Variants in TBC1D5 observed in about 807,000 individuals in gnomAD.
TBC1D5 encodes TBC1 domain family, member 5.
TBC1D5 carries 75 observed loss-of-function variants against 100.3 expected under a neutral mutation model. The observed-to-expected ratio is 0.75, with a 90% CI of 0.62 to 0.91. The LOEUF is 0.91. Among genes scored for constraint, TBC1D5 ranks in the 40% least tolerant of loss-of-function variants. TBC1D5 has a pLI of 0.00. For synonymous variants in TBC1D5, 323 were observed against 325.6 expected (o/e 0.99, Z 0.09); for missense variants, 910 against 942.4 (o/e 0.97, Z 0.45).
At chr3:17,644,450 T>C (rs2064825746) in intron 1 of TBC1D5, among the ~76,000 whole-genome samples, 1 of 152,176 alleles carries the variant, frequency 6.6e-6, no homozygotes, top group African/African-American at 2.4e-5. Flanking sequence ...CTACTTAATC[T>C]AATATCATTC....
intron 2 of TBC1D5, among the ~76,000 whole-genome samples, chr3:17,515,188 C>CA (rs1236504554): frequency 1.3e-5 from 2 of 151,808 alleles, no homozygotes; most frequent in Non-Finnish European, 2.9e-5. Flanking sequence ...TCATTTTGTC[C>CA]AAAAAAACCA....
chr3:17,589,567 T>A (rs2096753162), intron 2 of TBC1D5, among the ~76,000 whole-genome samples: 1 of 152,230 alleles, frequency 6.6e-6, no homozygotes, highest in South Asian at 2.1e-4. Flanking sequence ...GCTTTCACCT[T>A]CCACCATGAT....
intron 18 of TBC1D5, among the ~76,000 whole-genome samples, chr3:17,207,570 C>T (rs1171482228): frequency 6.6e-6 from 1 of 152,170 alleles, no homozygotes. Context: ...GAATCTTGCC[C>T]TCTTTCATTA....
chr3:17,357,150 A>G (rs1312535125), intron 13 of TBC1D5, among the ~76,000 whole-genome samples: 1 of 152,194 alleles, frequency 6.6e-6, no homozygotes, highest in Non-Finnish European at 1.5e-5. Flanking sequence ...GTGCGGATGC[A>G]GTAAGGGCCA....
At chr3:17,506,151 C>T (rs2095842445) in intron 3 of TBC1D5, among the ~76,000 whole-genome samples, 1 of 151,966 alleles carries the variant, frequency 6.6e-6, no homozygotes, top group South Asian at 2.1e-4. Context: ...TGAAGAAAGC[C>T]CAGGTAAGAC....
At chr3:17,698,691 T>A (rs1466232077) in intron 1 of TBC1D5, among the ~76,000 whole-genome samples, 1 of 147,654 alleles carries the variant, frequency 6.8e-6, no homozygotes, top group Non-Finnish European at 1.5e-5. Flanking sequence ...TCAAACAAAT[T>A]TACAAGAAAA....
intron 1 of TBC1D5, among the ~76,000 whole-genome samples, chr3:17,706,461 T>G (rs1344360831): frequency 6.6e-6 from 1 of 151,752 alleles, no homozygotes; most frequent in African/African-American, 2.4e-5. Context: ...ACCCCACTAG[T>G]GAGATGTTTT....
intron 15 of TBC1D5, among the ~76,000 whole-genome samples, chr3:17,268,752 T>C (rs1171012859): frequency 6.6e-6 from 1 of 152,070 alleles, no homozygotes; most frequent in African/African-American, 2.4e-5. Context: ...AAAATAAAGA[T>C]GTAAATTTTT....
At chr3:17,263,615 T>C (rs935795526) in intron 15 of TBC1D5, among the ~76,000 whole-genome samples, 5 of 152,138 alleles carry the variant, frequency 3.3e-5, no homozygotes, top group Admixed American at 2.0e-4. Context: ...TTTTATTTTA[T>C]AGCAATATAA....
chr3:17,170,025 G>A (rs867765232), intron 19 of TBC1D5, among the ~76,000 whole-genome samples: 7 of 152,190 alleles, frequency 4.6e-5, no homozygotes, highest in East Asian at 1.9e-4. Flanking sequence ...AGGTGGTAAC[G>A]CTGGCTCACG....
At chr3:17,311,005 T>C (rs1416951316) in intron 13 of TBC1D5, among the ~76,000 whole-genome samples, 1 of 152,026 alleles carries the variant, frequency 6.6e-6, no homozygotes, top group Non-Finnish European at 1.5e-5. Context: ...GCTTTCTTCA[T>C]TGAGCTTAAA....
intron 2 of TBC1D5, among the ~76,000 whole-genome samples, chr3:17,607,123 A>G (rs896131382): frequency 6.6e-6 from 1 of 152,204 alleles, no homozygotes; most frequent in Non-Finnish European, 1.5e-5. Context: ...AAGATGATCT[A>G]AAAACTCAGA....
intron 17 of TBC1D5, among the ~76,000 whole-genome samples, chr3:17,215,965 G>C (rs1176577398): frequency 6.6e-6 from 1 of 152,066 alleles, no homozygotes; most frequent in Non-Finnish European, 1.5e-5. Flanking sequence ...TTAAATATCA[G>C]GGATTCAGAT....
At chr3:17,633,738 G>T (rs1409915683) in intron 1 of TBC1D5, among the ~76,000 whole-genome samples, 1 of 151,982 alleles carries the variant, frequency 6.6e-6, no homozygotes, top group Non-Finnish European at 1.5e-5. Flanking sequence ...ATTAAGCATA[G>T]TTCTCAATAC....
chr3:17,740,890 G>A (rs569237088), exon 1 of TBC1D5: 1 of 152,232 alleles, frequency 6.6e-6, no homozygotes, highest in Admixed American at 6.5e-5. Flanking sequence ...AAAATTCACA[G>A]ACCAGGTGAT....
intron 3 of TBC1D5, among the ~76,000 whole-genome samples, chr3:17,490,007 T>C (rs1576323482): frequency 1.3e-5 from 2 of 152,208 alleles, no homozygotes; most frequent in South Asian, 4.1e-4. Context: ...CATCAGCATC[T>C]GTTGTTTCTT....
intron 13 of TBC1D5, among the ~76,000 whole-genome samples, chr3:17,371,091 ACAC>A (rs1236384938): frequency 1.3e-5 from 2 of 151,486 alleles, no homozygotes; most frequent in East Asian, 3.9e-4. Context: ...ACACACACAC[ACAC>A]ATGCACACCC....
intron 3 of TBC1D5, among the ~76,000 whole-genome samples, chr3:17,440,699 T>C (rs541425698): frequency 6.6e-6 from 1 of 152,288 alleles, no homozygotes; most frequent in African/African-American, 2.4e-5. Context: ...TGGAGTGCAG[T>C]GGCATGTTCT....
chr3:17,391,811 A>C (rs1483053227), intron 8 of TBC1D5, among the ~76,000 whole-genome samples: 1 of 152,166 alleles, frequency 6.6e-6, no homozygotes. Flanking sequence ...GATAGCCTCT[A>C]GTTATATGCA....
Sources: allele counts gnomAD v4.1 joint callset (sites outside exome capture counted in the v4.1 genomes callset), GRCh38; gene constraint gnomAD v4.1.1; transcripts MANE v1.5; gene names NCBI Gene and HGNC (gene_info 2026-07-23, HGNC 2026-07-21).